The following EPB41L4A variants were observed in gnomAD, a reference collection of about 807,000 sequenced individuals.
The protein encoded by EPB41L4A is erythrocyte membrane protein band 4.1 like 4A, also known as band 4.1-like protein 4A.
In EPB41L4A, 100 loss-of-function variants were observed where a neutral mutation model predicts 108.6. The observed-to-expected ratio is 0.92, with a 90% CI of 0.78 to 1.09. The LOEUF (loss-of-function observed/expected upper bound fraction) is 1.09, where lower values mean the gene tolerates loss of function less well. EPB41L4A is among the 50% of genes least tolerant of loss of function. EPB41L4A has a pLI of 0.00. For missense variants in EPB41L4A, 1,030 were observed against 842.7 expected (o/e 1.22, Z -2.75); for synonymous variants, 319 against 289.0 (o/e 1.10, Z -1.05).
At chr5:112,392,087 A>G (rs1760983683) in intron 1 of EPB41L4A, among the ~76,000 whole-genome samples, 1 of 152,154 alleles carries the variant, frequency 6.6e-6, no homozygotes, top group Non-Finnish European at 1.5e-5. Flanking sequence ...CTAAACATGG[A>G]AAGGAACAAC....
At chr5:112,353,526 T>C (rs1371031284) in intron 1 of EPB41L4A, among the ~76,000 whole-genome samples, 1 of 151,368 alleles carries the variant, frequency 6.6e-6, no homozygotes, top group East Asian at 1.9e-4. Context: ...GGTAGGTGGG[T>C]AGCGTTGGTG....
At chr5:112,327,820 G>A (rs1269836957) in intron 1 of EPB41L4A, among the ~76,000 whole-genome samples, 1 of 152,136 alleles carries the variant, frequency 6.6e-6, no homozygotes, top group Non-Finnish European at 1.5e-5. Flanking sequence ...AGAGAGGGAG[G>A]GAAGTGGGCA....
chr5:112,349,119 C>T (rs1190922735), intron 1 of EPB41L4A, among the ~76,000 whole-genome samples: 2 of 152,108 alleles, frequency 1.3e-5, no homozygotes, highest in Non-Finnish European at 2.9e-5. Context: ...TTGGTGATGA[C>T]ACAGAGGGGA....
chr5:112,242,211 C>A (rs1749842730), intron 9 of EPB41L4A, among the ~76,000 whole-genome samples: 1 of 152,222 alleles, frequency 6.6e-6, no homozygotes, highest in African/African-American at 2.4e-5. Context: ...ATTTGACCCA[C>A]AGTAGAACTT....
At chr5:112,372,267 G>A (rs1201885915) in intron 1 of EPB41L4A, among the ~76,000 whole-genome samples, 2 of 152,058 alleles carry the variant, frequency 1.3e-5, no homozygotes, top group African/African-American at 2.4e-5. Flanking sequence ...AGCCAGCAGG[G>A]GAAATGCCAG....
intron 15 of EPB41L4A, among the ~76,000 whole-genome samples, chr5:112,204,080 A>G (rs1260465165): frequency 6.6e-6 from 1 of 150,658 alleles, no homozygotes; most frequent in African/African-American, 2.4e-5. Flanking sequence ...GTAATATACT[A>G]TATATAATAC....
At chr5:112,410,408 G>C (rs1458533081) in intron 1 of EPB41L4A, among the ~76,000 whole-genome samples, 3 of 152,214 alleles carry the variant, frequency 2.0e-5, no homozygotes, top group Non-Finnish European at 4.4e-5. Context: ...CAGGGGCCTT[G>C]CAGGGATTAG....
chr5:112,369,164 C>G (rs1049124872), intron 1 of EPB41L4A, among the ~76,000 whole-genome samples: 1 of 152,156 alleles, frequency 6.6e-6, no homozygotes, highest in African/African-American at 2.4e-5. Flanking sequence ...TTAACTCATC[C>G]CCCTTTCTCA....
In EPB41L4A at chr5:112,204,355, A is replaced by C; in HGVS notation, c.1376+20T>G. 2.0e-6 allele frequency: 3 copies of C among 1,526,054 alleles called. No individual in the cohort carries two copies. Among genetic ancestry groups the C allele is most frequent in the Non-Finnish European group, 2.7e-6 (3 of 1,100,176 alleles). 94.5% of individuals were successfully genotyped at this position (1,526,054 alleles called of 1,614,324 possible). On this transcript the variant is annotated intron_variant, in intron 15 of 22. Transcript: ENST00000261486. ...TGCTTCTGTTGAAAGCTGCTAACAG[A>C]GAGATTGTGTTCCGCTTACCTCCTC...
chr5:112,202,732 T>C (rs148343089), intron 15 of EPB41L4A, among the ~76,000 whole-genome samples: 13 of 152,120 alleles, frequency 8.5e-5, no homozygotes, highest in Non-Finnish European at 5.9e-5. Context: ...TTCAGAAAGC[T>C]GGGGGCAAAG....
intron 18 of EPB41L4A, among the ~76,000 whole-genome samples, chr5:112,178,953 T>A (rs1019252892): frequency 7.3e-5 from 11 of 150,530 alleles, no homozygotes; most frequent in African/African-American, 2.4e-4. Flanking sequence ...CTAAAATTGG[T>A]TCTCTGAAAA....
At chr5:112,206,252 CTT>C (rs1762467388) in intron 13 of EPB41L4A, among the ~76,000 whole-genome samples, 1 of 152,054 alleles carries the variant, frequency 6.6e-6, no homozygotes, top group African/African-American at 2.4e-5. Context: ...TCCAAATCCA[CTT>C]TTAACCCTGG....
Position 112,262,515 on chromosome 5 carries a change from G to T in EPB41L4A, c.621C>A (p.Gly207=). The T allele has an allele frequency of 1.2e-6, 2 of 1,613,792 alleles. No homozygotes were observed. Among genetic ancestry groups the T allele is most frequent in the South Asian group, 2.2e-5 (2 of 91,058 alleles). Residue 207 remains glycine, a synonymous_variant, in exon 7 of 23, where the codon GGC becomes GGA. Coordinates refer to ENST00000261486, the MANE Select transcript of EPB41L4A (RefSeq NM_022140.5). The part of the protein sequence containing the change: ...LRTAKSLEMY[G]VDLHPVYGEN... ...TCACATAGACGGGATGGAGGTCAAC[G>T]CCATACATCTCCAGGGATTTGGCAG...
At chr5:112,270,190 G>A (rs1226021162) in intron 4 of EPB41L4A, among the ~76,000 whole-genome samples, 1 of 152,160 alleles carries the variant, frequency 6.6e-6, no homozygotes, top group Non-Finnish European at 1.5e-5. Context: ...AGTCATGAAT[G>A]CTTACACCAA....
At chr5:112,244,213 G>A (rs562774567) in intron 9 of EPB41L4A, among the ~76,000 whole-genome samples, 11 of 152,306 alleles carry the variant, frequency 7.2e-5, no homozygotes, top group African/African-American at 2.6e-4. Context: ...CAGGGAGAGA[G>A]ACAGGGAATG....
intron 11 of EPB41L4A, 28 bp downstream of exon 11, chr5:112,239,632 T>TC: frequency 1.4e-6 from 2 of 1,432,400 alleles, no homozygotes; most frequent in South Asian, 1.3e-5. Context: ...TACAAACACA[T>TC]CCCCCCAAGG....
At chr5:112,251,163 T>C (rs1435638983) in intron 9 of EPB41L4A, among the ~76,000 whole-genome samples, 1 of 152,106 alleles carries the variant, frequency 6.6e-6, no homozygotes, top group Non-Finnish European at 1.5e-5. Context: ...TTCCAGGACT[T>C]CTATACATTG....
chr5:112,288,097 A>G (rs1440603586), intron 2 of EPB41L4A, among the ~76,000 whole-genome samples: 1 of 152,228 alleles, frequency 6.6e-6, no homozygotes, highest in African/African-American at 2.4e-5. Context: ...TAAACATGCT[A>G]TAACTGTAAA....
intron 2 of EPB41L4A, among the ~76,000 whole-genome samples, chr5:112,291,726 T>A (rs1338586185): frequency 2.0e-5 from 3 of 152,228 alleles, no homozygotes; most frequent in Non-Finnish European, 4.4e-5. Flanking sequence ...CAAGAGGACT[T>A]GGTCCAGGGA....
Sources: allele counts gnomAD v4.1 joint callset (sites outside exome capture counted in the v4.1 genomes callset), GRCh38; gene constraint gnomAD v4.1.1; transcripts MANE v1.5; gene names NCBI Gene and HGNC (gene_info 2026-07-23, HGNC 2026-07-21).